Variants in NEFH observed in about 807,000 individuals in gnomAD.
NEFH encodes neurofilament heavy polypeptide.
NEFH carries 58 observed loss-of-function variants against 56.6 expected under a neutral mutation model. The observed-to-expected ratio is 1.03, with a 90% CI of 0.83 to 1.28. NEFH has a LOEUF of 1.28. NEFH is among the 50% of genes most tolerant of loss of function. The probability of loss-of-function intolerance (pLI) is 0.00; values close to 1 mark genes in which losing one functional copy is unlikely to be tolerated. For synonymous variants in NEFH, 542 were observed against 545.8 expected (o/e 0.99, Z 0.10); for missense variants, 1,221 against 1,307.6 (o/e 0.93, Z 1.02).
intron 2 of NEFH, among the ~76,000 whole-genome samples, chr22:29,484,525 C>T (rs767210141): frequency 6.6e-6 from 1 of 152,094 alleles, no homozygotes; most frequent in Admixed American, 6.6e-5. Context: ...GCCTGTAATC[C>T]CAGCTACTTG....
intron 2 of NEFH, among the ~76,000 whole-genome samples, chr22:29,484,704 C>G (rs567894563): frequency 6.5e-4 from 99 of 152,220 alleles, no homozygotes; most frequent in African/African-American, 2.2e-3. Flanking sequence ...TTGTGTGTGC[C>G]TACAGTCCTA....
chr22:29,486,824 A>G (rs1299918179), intron 3 of NEFH, among the ~76,000 whole-genome samples: 3 of 152,154 alleles, frequency 2.0e-5, no homozygotes, highest in Non-Finnish European at 2.9e-5. Context: ...TGCCCAGCCA[A>G]TGAGTCTTGA....
Position 29,480,715 on chromosome 22 carries a change from C to A in NEFH, c.453C>A (p.Arg151=). ...GCGAGCTGTACGAGCGCGAGGTCCG[C>A]GAGATGCGCGGCGCGGTGCTGCGCC... ...AMGELYEREV[R]EMRGAVLRLG... is the part of the protein sequence containing the mutation. Residue 151 remains arginine, a synonymous_variant, in exon 1 of 4, where the codon CGC becomes CGA. Transcript: ENST00000310624. The A allele has an allele frequency of 1.3e-6, 2 of 1,512,394 alleles. No individual in the cohort carries two copies. The highest frequency in any genetic ancestry group is 1.8e-6 in the Non-Finnish European group (2 of 1,138,570). The allele number at this position is 1,512,394 out of a possible 1,614,324, so 93.7% of individuals were successfully genotyped here.
rs768531339 is a variant in NEFH at position 29,481,044 on chromosome 22, A to G, written c.782A>G (p.Asp261Gly). The G allele has an allele frequency of 1.1e-4, 161 of 1,531,166 alleles. No individual in the cohort carries two copies. The highest frequency in any genetic ancestry group is 1.3e-4 in the Non-Finnish European group (145 of 1,145,196). 94.8% of individuals were successfully genotyped at this position (1,531,166 alleles called of 1,614,324 possible). ...AQAQMQAETR[D>G]ALKCDVTSAL... ...GCGCAGATGCAGGCCGAGACGCGCGACGCCCTGAAGTGCGACGTGACGTCG... is the reference window on the plus strand; with the variant it reads ...GCGCAGATGCAGGCCGAGACGCGCGGCGCCCTGAAGTGCGACGTGACGTCG... The change falls in exon 1 of 4, where the codon GAC (aspartate) becomes GGC (glycine). Residue 261 changes from aspartate (D) to glycine (G), a missense_variant. Coordinates refer to ENST00000310624, the MANE Select transcript of NEFH (RefSeq NM_021076.4).
At chr22:29,485,345 C>T (rs2063038053) in intron 2 of NEFH, among the ~76,000 whole-genome samples, 1 of 152,194 alleles carries the variant, frequency 6.6e-6, no homozygotes, top group African/African-American at 2.4e-5. Flanking sequence ...TCAAGTGATC[C>T]ACCCTCCTCA....
At position 29,489,864 on chromosome 22, in the gene NEFH, G is replaced by A; in HGVS notation, c.2224G>A (p.Glu742Lys). Residue 742 changes from glutamate (E) to lysine (K), a missense_variant, in exon 4 of 4, where the codon GAA becomes AAA. Glu to Lys is a moderately conservative substitution (Grantham distance 56). Transcript: ENST00000310624. ...TPEKAKSPVKEEAKSPEKAKS... is the reference protein window; with the variant it reads ...TPEKAKSPVKKEAKSPEKAKS... ...CGAGAAGGCCAAGTCCCCAGTGAAG[G>A]AAGAAGCTAAGTCCCCAGAGAAGGC... The A allele has an allele frequency of 6.3e-7, 1 of 1,584,620 alleles. No individual in the cohort carries two copies. The highest frequency in any genetic ancestry group is 1.1e-5 in the South Asian group (1 of 87,894).
rs149955255 is a variant in NEFH, at chr22:29,483,545, C to G, written c.1054C>G (p.Arg352Gly). ...LERQRSELED[R>G]HQADIASYQE... is the part of the protein sequence containing the mutation. ...GAGGCAGCGCTCTGAGCTGGAGGAC[C>G]GTCATCAGGCCGACATTGCCTCCTA... is the stretch of plus-strand genomic sequence containing the variant. Residue 352 changes from arginine to glycine, a missense_variant, in exon 2 of 4, where the codon CGT becomes GGT. By Grantham distance (125) the Arg-to-Gly change is moderately radical. This residue lies in a region of NEFH where 640 missense variants were observed against 555.5 expected (regional missense o/e 1.15). Coordinates refer to ENST00000310624, the MANE Select transcript of NEFH (RefSeq NM_021076.4). The G allele has an allele frequency of 6.2e-7, 1 of 1,613,788 alleles. No homozygotes were observed. Among genetic ancestry groups the G allele is most frequent in the South Asian group, 1.1e-5 (1 of 91,086 alleles).
At chr22:29,485,265 G>A (rs911590768) in intron 2 of NEFH, among the ~76,000 whole-genome samples, 1 of 152,060 alleles carries the variant, frequency 6.6e-6, no homozygotes, top group Non-Finnish European at 1.5e-5. Context: ...ACCACATCCC[G>A]CTAATTTTTG....
At chr22:29,481,857 G>T (rs2063012819) in intron 1 of NEFH, among the ~76,000 whole-genome samples, 1 of 152,176 alleles carries the variant, frequency 6.6e-6, no homozygotes, top group Non-Finnish European at 1.5e-5. Flanking sequence ...GAGTCAGCTA[G>T]ATTGCGCTGC....
At chr22:29,482,459 G>GA (rs59399758) in intron 1 of NEFH, among the ~76,000 whole-genome samples, 1,704 of 152,344 alleles carry the variant, frequency 0.011, 40 homozygotes, top group African/African-American at 0.04. Context: ...TTGCTGGCGG[G>GA]GGCCGGGGTG....
In NEFH at chr22:29,489,119, G is replaced by A; in HGVS notation, c.1479G>A (p.Glu493=). 1.9e-6 allele frequency: 3 copies of A among 1,613,450 alleles called. No individual in the cohort carries two copies. The highest frequency in any genetic ancestry group is 8.5e-7 in the Non-Finnish European group (1 of 1,179,638). The change falls in exon 4 of 4, where the codon GAG becomes GAA. Residue 493 remains glutamate (E), a synonymous_variant. Transcript: ENST00000310624. ...GKEEEGGEEE[E]AEGGEEETKS... ...AGGAAGAAGGGGGTGAAGAAGAGGA[G>A]GCAGAAGGGGGAGAAGAAGAAACAA...
chr22:29,483,285 A>G, intron 1 of NEFH, 90 bp from the exon 2 acceptor site: 2 of 1,299,164 alleles, frequency 1.5e-6, no homozygotes, highest in East Asian at 2.3e-5. Context: ...TCAAAAAAAA[A>G]AAAAAAGAAA....
In NEFH at chr22:29,480,815, C is replaced by G; in HGVS notation, c.553C>G (p.Leu185Val). Residue 185 changes from leucine to valine, a missense_variant, in exon 1 of 4, where the codon CTA becomes GTA. Physicochemically the swap from Leu to Val is conservative, Grantham distance 32 (BLOSUM62 1). Around this residue, in one of 4 missense-constraint regions of NEFH, gnomAD observed 640 missense variants for 555.5 expected, o/e 1.15. Coordinates refer to ENST00000310624, the MANE Select transcript of NEFH (RefSeq NM_021076.4). ...GGACATCGCGCACGTGCGCCAGCGC[C>G]TAGACGACGAGGCCCGGCAGCGAGA... ...LEDIAHVRQR[L>V]DDEARQREEA... is the part of the protein sequence containing the mutation. The G allele has an allele frequency of 7.1e-7, 1 of 1,400,144 alleles. No homozygotes were observed. The highest frequency in any genetic ancestry group is 9.2e-7 in the Non-Finnish European group (1 of 1,088,764). The allele number at this position is 1,400,144 out of a possible 1,614,324, so 86.7% of individuals were successfully genotyped here.
At position 29,480,551 on chromosome 22, in the gene NEFH, G is replaced by T. The variant is rs992666406; in HGVS notation, c.289G>T (p.Glu97Ter). ...CMVAVATSRS[E>*]KEQLQALNDR... ...GGTGGCGGTGGCCACCTCACGCAGT[G>T]AGAAGGAGCAGCTGCAGGCGCTGAA... is the stretch of plus-strand genomic sequence containing the variant. The change falls in exon 1 of 4, where the codon GAG becomes TAG. Residue 97 changes from glutamate to a stop codon, truncating the protein, a stop_gained. Coordinates refer to ENST00000310624, the MANE Select transcript of NEFH (RefSeq NM_021076.4). LOFTEE classifies it high-confidence loss of function. 6.5e-7 allele frequency: 1 copy of T among 1,540,464 alleles called. No individual in the cohort carries two copies. Among genetic ancestry groups the T allele is most frequent in the Middle Eastern group, 2.0e-4 (1 of 5,008 alleles).
In NEFH at chr22:29,490,021, A is replaced by G. The variant is rs557576141; in HGVS notation, c.2381A>G (p.Lys794Arg). Residue 794 changes from lysine to arginine, a missense_variant, in exon 4 of 4, where the codon AAG (lysine) becomes AGG (arginine). Physicochemically the swap from Lys to Arg is conservative, Grantham distance 26. Around this residue, in one of 4 missense-constraint regions of NEFH, gnomAD observed 301 missense variants for 346.6 expected, o/e 0.87. Transcript: ENST00000310624. Reference sequence around the variant, plus strand: ...AAAAGCCCTGTCAAGGAGGAGGTCAAGTCCCCAGAGAAGGCGAAATCTCCC... The same window carrying G: ...AAAAGCCCTGTCAAGGAGGAGGTCAGGTCCCCAGAGAAGGCGAAATCTCCC... ...KAKSPVKEEVKSPEKAKSPLK... is the reference protein window; with the variant it reads ...KAKSPVKEEVRSPEKAKSPLK... 6.8e-6 allele frequency: 11 copies of G among 1,614,066 alleles called. No homozygotes were observed. Among genetic ancestry groups the G allele is most frequent in the East Asian group, 2.2e-5 (1 of 44,872 alleles).
Position 29,489,179 on chromosome 22 carries a change from G to A in NEFH, c.1539G>A (p.Glu513=). The change falls in exon 4 of 4, where the codon GAG becomes GAA. Residue 513 remains glutamate, a synonymous_variant. Coordinates refer to ENST00000310624, the MANE Select transcript of NEFH (RefSeq NM_021076.4). ...SPPAEEAASP[E]KEAKSPVKEE... Reference sequence around the variant, plus strand: ...CAGCAGAAGAGGCTGCATCCCCAGAGAAGGAAGCCAAGTCACCAGTAAAGG... The same window carrying A: ...CAGCAGAAGAGGCTGCATCCCCAGAAAAGGAAGCCAAGTCACCAGTAAAGG... 7 of 1,614,170 alleles carry A rather than the reference G, an allele frequency of 4.3e-6. No homozygotes were observed. Among genetic ancestry groups the A allele is most frequent in the Non-Finnish European group, 5.9e-6 (7 of 1,180,004 alleles).
In NEFH at chr22:29,489,423, C is replaced by A; in HGVS notation, c.1783C>A (p.Pro595Thr). Residue 595 changes from proline (P) to threonine (T), a missense_variant, in exon 4 of 4, where the codon CCG (proline) becomes ACG (threonine). Pro to Thr is a conservative substitution (Grantham distance 38, BLOSUM62 -1). Around this residue, in one of 4 missense-constraint regions of NEFH, gnomAD observed 243 missense variants for 299.1 expected, o/e 0.81. Coordinates refer to ENST00000310624, the MANE Select transcript of NEFH (RefSeq NM_021076.4). ...CCCAGCAAAGGAAGAGGCAAAGTCA[C>A]CGGCTGAGGCCAAGTCTCCAGAGAA... Reference protein sequence around the residue: ...KSPAKEEAKSPAEAKSPEKAK... With the variant: ...KSPAKEEAKSTAEAKSPEKAK... The A allele has an allele frequency of 6.2e-7, 1 of 1,613,298 alleles. No homozygotes were observed. Among genetic ancestry groups the A allele is most frequent in the African/African-American group, 1.3e-5 (1 of 74,694 alleles).
At position 29,491,035 on chromosome 22, in the gene NEFH, A is replaced by C; in HGVS notation, c.*332A>C. On this transcript the variant is annotated 3_prime_UTR_variant, in exon 4 of 4. Transcript: ENST00000310624. Reference sequence around the variant, plus strand: ...CCAAATAAGTGCATTTATTGCCTCTATGTGCAACTGACAGATGACCGCAAT... The same window carrying C: ...CCAAATAAGTGCATTTATTGCCTCTCTGTGCAACTGACAGATGACCGCAAT... The C allele has an allele frequency of 2.4e-6, 1 of 420,420 alleles. No homozygotes were observed. The highest frequency in any genetic ancestry group is 4.4e-6 in the Non-Finnish European group (1 of 225,052). The allele number at this position is 420,420 out of a possible 1,614,324, so 26.0% of individuals were successfully genotyped here.
Position 29,490,938 on chromosome 22 carries a change from T to C in NEFH, c.*235T>C, listed in dbSNP as rs188769098. 4 of 698,764 alleles carry C rather than the reference T, an allele frequency of 5.7e-6. No homozygotes were observed. Among genetic ancestry groups the C allele is most frequent in the Admixed American group, 2.7e-5 (1 of 36,932 alleles). 43.3% of individuals were successfully genotyped at this position (698,764 alleles called of 1,614,324 possible). A position where few individuals can be genotyped will look rare whatever the true frequency, so the allele number is the denominator to read the frequency against. ...CAGGCGATGGACAATTATGATAGCT[T>C]ATGTAGCTGAATGTGATACATGCCG... On this transcript the variant is annotated 3_prime_UTR_variant, in exon 4 of 4. Transcript: ENST00000310624.
Sources: gnomAD v4.1 joint callset for allele counts (sites outside exome capture counted in the v4.1 genomes callset) on GRCh38, gnomAD v4.1.1 for gene constraint, gnomAD v4.1.1 regional missense constraint, MANE v1.5 for transcripts, NCBI Gene and HGNC (gene_info 2026-07-23, HGNC 2026-07-21) for gene names.